The following NBEA variants were observed in gnomAD, a reference collection of about 807,000 sequenced individuals.
The protein encoded by NBEA is neurobeachin, also known as lysosomal-trafficking regulator 2.
A neutral mutation model predicts 343.4 loss-of-function variants in NBEA; 44 were observed. The observed-to-expected ratio is 0.13, with a 90% CI of 0.10 to 0.16. The LOEUF (loss-of-function observed/expected upper bound fraction) is 0.16, where lower values mean the gene tolerates loss of function less well. Ranked by LOEUF, NBEA falls within the 10% of genes least tolerant of loss-of-function variation. NBEA has a pLI of 1.00. For missense variants in NBEA, 2,555 were observed against 3,631.3 expected (o/e 0.70, Z 7.62); for synonymous variants, 1,175 against 1,238.7 (o/e 0.95, Z 1.08).
chr13:35,378,817 A>G (rs895680138), intron 38 of NBEA, among the ~76,000 whole-genome samples: 1 of 151,964 alleles, frequency 6.6e-6, no homozygotes, highest in African/African-American at 2.4e-5. Context: ...TCACCCTGCT[A>G]AGGTAACTGC....
At chr13:35,544,191 C>T (rs1471455478) in intron 41 of NBEA, among the ~76,000 whole-genome samples, 1 of 152,144 alleles carries the variant, frequency 6.6e-6, no homozygotes, top group South Asian at 2.1e-4. Flanking sequence ...ACGCGACAAC[C>T]TTAGGAACTC....
At chr13:35,195,833 C>CT in intron 30 of NBEA, 31 bp from the exon 31 acceptor site, 2 of 1,510,194 alleles carry the variant, frequency 1.3e-6, no homozygotes, top group South Asian at 1.3e-5. Context: ...ACTTTCAAAG[C>CT]TTTTTTCTAA....
chr13:35,500,674 AG>A (rs1490211186), intron 41 of NBEA, among the ~76,000 whole-genome samples: 2 of 149,186 alleles, frequency 1.3e-5, no homozygotes, highest in African/African-American at 4.9e-5. Flanking sequence ...ACAACTATCT[AG>A]GTTCATGTTC....
chr13:34,949,875 T>C (rs929417038), intron 1 of NBEA, among the ~76,000 whole-genome samples: 23 of 152,146 alleles, frequency 1.5e-4, no homozygotes, highest in Admixed American at 1.4e-3. Flanking sequence ...TCTGGTAAGG[T>C]GGTAAGTACA....
intron 38 of NBEA, among the ~76,000 whole-genome samples, chr13:35,364,043 G>T (rs1407029241): frequency 6.6e-6 from 1 of 151,956 alleles, no homozygotes; most frequent in African/African-American, 2.4e-5. Flanking sequence ...TAGTGGAAAT[G>T]TCTACCAGGA....
intron 36 of NBEA, among the ~76,000 whole-genome samples, chr13:35,346,904 A>G (rs371819657): frequency 2.6e-5 from 4 of 152,082 alleles, no homozygotes; most frequent in African/African-American, 9.6e-5. Flanking sequence ...CAGTATTTAC[A>G]TTACCACCCT....
intron 41 of NBEA, among the ~76,000 whole-genome samples, chr13:35,491,208 C>A (rs1212019376): frequency 1.3e-5 from 2 of 151,814 alleles, no homozygotes; most frequent in Non-Finnish European, 2.9e-5. Context: ...CTGTACTTCC[C>A]AGTGGAAGAT....
At chr13:35,413,249 G>A (rs1476918279) in intron 38 of NBEA, among the ~76,000 whole-genome samples, 1 of 152,046 alleles carries the variant, frequency 6.6e-6, no homozygotes, top group Non-Finnish European at 1.5e-5. Flanking sequence ...CAGTACTTAT[G>A]TTTTTGTTTA....
At chr13:35,392,691 C>T (rs968180950) in intron 38 of NBEA, among the ~76,000 whole-genome samples, 3 of 152,204 alleles carry the variant, frequency 2.0e-5, no homozygotes, top group Middle Eastern at 3.4e-3. Context: ...GCATAAGAAC[C>T]GTGCTAACGG....
chr13:35,122,736 T>C (rs1445351400), intron 16 of NBEA, among the ~76,000 whole-genome samples: 1 of 152,016 alleles, frequency 6.6e-6, no homozygotes, highest in East Asian at 1.9e-4. Flanking sequence ...AATCTTAGAG[T>C]AGGAACCAGG....
At chr13:35,236,547 C>T (rs1449593437) in intron 34 of NBEA, among the ~76,000 whole-genome samples, 1 of 151,826 alleles carries the variant, frequency 6.6e-6, no homozygotes, top group Non-Finnish European at 1.5e-5. Flanking sequence ...TCTGGGTTCA[C>T]GCCATTCTCC....
intron 34 of NBEA, among the ~76,000 whole-genome samples, chr13:35,272,536 C>T (rs1178585939): frequency 2.0e-5 from 3 of 152,130 alleles, no homozygotes; most frequent in Admixed American, 2.0e-4. Flanking sequence ...GGGCTAAATG[C>T]CCCAATTAAA....
intron 41 of NBEA, among the ~76,000 whole-genome samples, chr13:35,534,773 T>C (rs2078446938): frequency 1.3e-5 from 2 of 152,204 alleles, no homozygotes; most frequent in African/African-American, 2.4e-5. Flanking sequence ...TTGTTCACAA[T>C]GTGTCCCATC....
chr13:35,413,936 G>C (rs1441470895), intron 38 of NBEA, among the ~76,000 whole-genome samples: 1 of 152,134 alleles, frequency 6.6e-6, no homozygotes, highest in Non-Finnish European at 1.5e-5. Flanking sequence ...TCATACATGA[G>C]ATAATAAAAG....
chr13:34,992,693 G>C (rs2060803062), intron 1 of NBEA, among the ~76,000 whole-genome samples: 1 of 151,380 alleles, frequency 6.6e-6, no homozygotes, highest in Admixed American at 6.6e-5. Flanking sequence ...ATTTTTTTGA[G>C]ACGGAGTCTT....
At chr13:35,019,599 C>T (rs1054553364) in intron 1 of NBEA, among the ~76,000 whole-genome samples, 11 of 152,038 alleles carry the variant, frequency 7.2e-5, no homozygotes, top group South Asian at 6.2e-4. Context: ...AATTCTCTCA[C>T]GAGTGATTGA....
chr13:35,298,245 ATATG>A (rs1464334190), intron 35 of NBEA, among the ~76,000 whole-genome samples: 1,362 of 112,576 alleles, frequency 0.012, 8 homozygotes, highest in South Asian at 0.043. Context: ...ATATATATAT[ATATG>A]TATATGCTTC....
At chr13:35,266,737 G>C (rs2033714860) in intron 34 of NBEA, among the ~76,000 whole-genome samples, 1 of 151,782 alleles carries the variant, frequency 6.6e-6, no homozygotes, top group South Asian at 2.1e-4. Flanking sequence ...ATTTCAATTA[G>C]ATAAGAGGAA....
intron 48 of NBEA, among the ~76,000 whole-genome samples, chr13:35,618,921 G>A (rs9574261): frequency 0.059 from 8,948 of 152,036 alleles, 410 homozygotes; most frequent in East Asian, 0.24. Flanking sequence ...GCCAAGTACA[G>A]GCTGTCTGCA....
Sources: gnomAD v4.1 joint callset for allele counts (sites outside exome capture counted in the v4.1 genomes callset) on GRCh38, gnomAD v4.1.1 for gene constraint, MANE v1.5 for transcripts, NCBI Gene and HGNC (gene_info 2026-07-23, HGNC 2026-07-21) for gene names.